Variants in SLC25A14 observed in about 807,000 individuals in gnomAD.
SLC25A14 encodes brain mitochondrial carrier protein 1.
A neutral mutation model predicts 28.1 loss-of-function variants in SLC25A14; 8 were observed. The ratio of observed to expected loss-of-function variants is 0.28; its 90% CI spans 0.17 to 0.51. The LOEUF (loss-of-function observed/expected upper bound fraction) is 0.51. SLC25A14 is among the 20% of genes least tolerant of loss of function. The pLI is 0.97. For synonymous variants in SLC25A14, 74 were observed against 90.6 expected (o/e 0.82, Z 1.04); for missense variants, 135 against 263.8 (o/e 0.51, Z 3.38).
chrX:130,362,153 T>TTTA (rs1260058897), intron 7 of SLC25A14, among the ~76,000 whole-genome samples: 6 of 87,483 alleles, frequency 6.9e-5, no homozygotes, highest in East Asian at 3.5e-4. Context: ...TTATTTATTT[T>TTTA]TTGAGACGGA....
intron 7 of SLC25A14, among the ~76,000 whole-genome samples, chrX:130,362,217 A>G (rs1001017785): frequency 2.8e-5 from 3 of 107,934 alleles, no homozygotes; most frequent in South Asian, 4.0e-4. Flanking sequence ...GCTCACTGCA[A>G]CCTCCGCCTC....
At chrX:130,343,108 G>A (rs1469940254) in intron 2 of SLC25A14, among the ~76,000 whole-genome samples, 3 of 111,774 alleles carry the variant, frequency 2.7e-5, no homozygotes, top group Non-Finnish European at 5.6e-5. Flanking sequence ...GGCTTTCTCT[G>A]TAATACAAAG....
intron 9 of SLC25A14, among the ~76,000 whole-genome samples, chrX:130,368,607 A>G (rs1474545594): frequency 8.9e-6 from 1 of 112,771 alleles, no homozygotes; most frequent in East Asian, 2.8e-4. Context: ...GATTTACTAT[A>G]CAATAATATA....
chrX:130,345,438 G>A (rs2033402736), intron 3 of SLC25A14, among the ~76,000 whole-genome samples, 163 bp downstream of exon 3: 1 of 111,785 alleles, frequency 8.9e-6, no homozygotes, highest in African/African-American at 3.2e-5. Flanking sequence ...ACTACTGATG[G>A]TATGGCAGAT....
chrX:130,346,379 C>G (rs986370771), intron 3 of SLC25A14, among the ~76,000 whole-genome samples, 165 bp from the exon 4 acceptor site: 5 of 111,720 alleles, frequency 4.5e-5, no homozygotes, highest in African/African-American at 1.6e-4. Flanking sequence ...TTTCACTTAC[C>G]ACATGCAACT....
At chrX:130,351,947 G>T (rs1463700748) in intron 6 of SLC25A14, among the ~76,000 whole-genome samples, 1 of 110,976 alleles carries the variant, frequency 9.0e-6, no homozygotes, top group East Asian at 2.8e-4. Flanking sequence ...TAGATTCAGG[G>T]AGTACATGTG....
intron 7 of SLC25A14, among the ~76,000 whole-genome samples, chrX:130,359,407 A>G (rs932964293): frequency 4.6e-5 from 5 of 108,926 alleles, no homozygotes; most frequent in Admixed American, 9.9e-5. Context: ...ACCTTAAACA[A>G]TTTTTTAACC....
At chrX:130,372,312 G>A (rs2034282015) in intron 10 of SLC25A14, among the ~76,000 whole-genome samples, 1 of 111,179 alleles carries the variant, frequency 9.0e-6, no homozygotes, top group African/African-American at 3.3e-5. Flanking sequence ...GTGTGCGTGT[G>A]TGCGTTTGTC....
At position 130,371,639 on chromosome X, in the gene SLC25A14, A is replaced by G; in HGVS notation, c.931A>G (p.Ile311Val). 8.4e-7 allele frequency: 1 copy of G among 1,186,012 alleles called. No individual in the cohort carries two copies. The highest frequency in any genetic ancestry group is 1.1e-6 in the Non-Finnish European group (1 of 872,390). Residue 311 changes from isoleucine to valine, a missense_variant, in exon 10 of 11, where the codon ATC becomes GTC. Transcript: ENST00000545805. ...CTGGCTTCGGCTTGGACCCTGGAAC[A>G]TCATTGTATCCTTTGAGAGAATGAA... ...PNWLRLGPWN[I>V]IFFITYEQLK...
rs372098810 is a variant in SLC25A14, at chrX:130,346,493, C to T, written c.170-51C>T. 3.3e-4 allele frequency: 354 copies of T among 1,083,738 alleles called. 1 individual carries two copies. The African/African-American group carries it at 5.3e-3, about 16-fold the overall frequency. 89.3% of individuals were successfully genotyped at this position (1,083,738 alleles called of 1,213,427 possible). A position where few individuals can be genotyped will look rare whatever the true frequency, so the allele number is the denominator to read the frequency against. ...GTCCTTGGCTTATATTTAGCAACAA[C>T]TTAACTGTGATTCTTTGGACATACT... On this transcript the variant is annotated intron_variant, in intron 3 of 10. Coordinates refer to ENST00000545805, the MANE Select transcript of SLC25A14 (RefSeq NM_001282195.2).
chrX:130,364,026 C>T (rs970569383), intron 7 of SLC25A14, among the ~76,000 whole-genome samples: 2 of 112,159 alleles, frequency 1.8e-5, no homozygotes, highest in Non-Finnish European at 3.8e-5. Context: ...AGCCCCTGTG[C>T]CTGGCCTTCT....
chrX:130,369,488 A>G (rs756120977), intron 9 of SLC25A14, among the ~76,000 whole-genome samples: 1 of 112,175 alleles, frequency 8.9e-6, no homozygotes, highest in East Asian at 2.8e-4. Context: ...CAATAAACAC[A>G]CAATGCACAG....
At chrX:130,342,873 GAA>G (rs757414164) in intron 2 of SLC25A14, among the ~76,000 whole-genome samples, 5 of 96,019 alleles carry the variant, frequency 5.2e-5, no homozygotes, top group Non-Finnish European at 4.2e-5. Context: ...ACATTTAGCT[GAA>G]AAAAAAAAAA....
intron 10 of SLC25A14, 61 bp downstream of exon 10, chrX:130,371,705 A>G: frequency 1.2e-6 from 1 of 868,602 alleles, no homozygotes; most frequent in Non-Finnish European, 1.7e-6. Flanking sequence ...AGGCTATGGG[A>G]AGGAAAATTT....
Position 130,367,449 on chromosome X carries a change from T to A in SLC25A14, c.855+1773T>A, listed in dbSNP as rs192484115. On this transcript the variant is annotated intron_variant, in intron 9 of 10. Transcript: ENST00000545805. Reference sequence around the variant, plus strand: ...AGACATCCTAGTTTTGGATACTCAGTTTGATGTGCATGAGGAAAATCCAGT... The same window carrying A: ...AGACATCCTAGTTTTGGATACTCAGATTGATGTGCATGAGGAAAATCCAGT... Among the ~76,000 whole-genome samples the A allele has an allele frequency of 9.1e-3, 1,014 of 111,633 alleles. 11 individuals carry two copies. Among genetic ancestry groups the A allele is most frequent in the African/African-American group, 0.032 (974 of 30,667 alleles).
At chrX:130,350,419 G>T (rs959146869) in intron 5 of SLC25A14, among the ~76,000 whole-genome samples, 1 of 111,708 alleles carries the variant, frequency 9.0e-6, no homozygotes, top group African/African-American at 3.2e-5. Context: ...GTGTCCTTTA[G>T]AAATAATGAT....
chrX:130,354,008 T>C (rs960275053), intron 6 of SLC25A14, among the ~76,000 whole-genome samples: 5 of 111,900 alleles, frequency 4.5e-5, no homozygotes, highest in Non-Finnish European at 9.4e-5. Flanking sequence ...TTTATGCATA[T>C]ACTTTAAATC....
chrX:130,345,223 G>C lies in SLC25A14; in HGVS notation c.117G>C (p.Leu39=). The C allele has an allele frequency of 8.3e-7, 1 of 1,206,622 alleles. No homozygotes were observed. The change falls in exon 3 of 11, where the codon CTG becomes CTC. Residue 39 remains leucine, a synonymous_variant. Transcript: ENST00000545805. Reference sequence around the variant, plus strand: ...CTGTAAGTCATGAGATGTCTGGTCTGAATTGGAAACCCTTTGTATATGGCG... The same window carrying C: ...CTGTAAGTCATGAGATGTCTGGTCTCAATTGGAAACCCTTTGTATATGGCG... ...STTVSHEMSG[L]NWKPFVYGGL...
intron 7 of SLC25A14, among the ~76,000 whole-genome samples, chrX:130,362,301 G>A (rs1302722749): frequency 9.2e-6 from 1 of 108,796 alleles, no homozygotes; most frequent in Non-Finnish European, 1.9e-5. Flanking sequence ...TTAAGTGAAA[G>A]CAAGTTTATT....
Sources: allele counts gnomAD v4.1 joint callset (sites outside exome capture counted in the v4.1 genomes callset), GRCh38; gene constraint gnomAD v4.1.1; transcripts MANE v1.5; gene names NCBI Gene and HGNC (gene_info 2026-07-23, HGNC 2026-07-21).